Variants in C1QTNF2 observed in about 807,000 individuals in gnomAD.
C1QTNF2 encodes the protein complement C1q tumor necrosis factor-related protein 2.
In C1QTNF2, 15 loss-of-function variants were observed where a neutral mutation model predicts 17.4. That is an observed-to-expected ratio of 0.86 (90% CI 0.58 to 1.33). The LOEUF (loss-of-function observed/expected upper bound fraction) is 1.33. C1QTNF2 is among the 40% of genes most tolerant of loss of function. The pLI is 0.00. For missense variants in C1QTNF2, 381 were observed against 392.3 expected (o/e 0.97, Z 0.24); for synonymous variants, 154 against 163.3 (o/e 0.94, Z 0.44).
chr5:160,362,251 C>G (rs1379332710), intron 1 of C1QTNF2, among the ~76,000 whole-genome samples: 2 of 152,154 alleles, frequency 1.3e-5, no homozygotes, highest in Admixed American at 6.5e-5. Flanking sequence ...TAGGTTTCAC[C>G]TAGGACCTCT....
intron 1 of C1QTNF2, among the ~76,000 whole-genome samples, chr5:160,368,746 G>A (rs936618104): frequency 2.2e-4 from 33 of 152,114 alleles, no homozygotes; most frequent in African/African-American, 8.0e-4. Context: ...GAGACAGCAG[G>A]AGAGACTGTC....
intron 1 of C1QTNF2, among the ~76,000 whole-genome samples, chr5:160,369,067 A>G (rs1764300477): frequency 6.6e-6 from 1 of 152,156 alleles, no homozygotes; most frequent in African/African-American, 2.4e-5. Context: ...GTTTAAAAAA[A>G]AAAAAAACAG....
chr5:160,369,150 G>A (rs1338315068), intron 1 of C1QTNF2, among the ~76,000 whole-genome samples: 1 of 152,014 alleles, frequency 6.6e-6, no homozygotes, highest in Non-Finnish European at 1.5e-5. Context: ...TCTTGTTAAG[G>A]GGTTACCTTT....
Position 160,349,082 on chromosome 5 carries a change from C to A in C1QTNF2, c.*86G>T, listed in dbSNP as rs1022214771. 9.3e-6 allele frequency: 14 copies of A among 1,501,236 alleles called. 1 individual carries two copies. In the Admixed American group the frequency reaches 2.0e-4, roughly 21 times the overall value. The allele number at this position is 1,501,236 out of a possible 1,614,324, so 93.0% of individuals were successfully genotyped here. ...GGCTAGAACCGCTCACTCGACCCCC[C>A]ACCCCCAGCCTACAGTTGTGGGGTC... On this transcript the variant is annotated 3_prime_UTR_variant, in exon 3 of 3. Coordinates refer to ENST00000652664, the MANE Select transcript of C1QTNF2 (RefSeq NM_031908.6). The surrounding 1 kb of genome is among the most constrained non-coding windows in gnomAD (Gnocchi z 4.3).
intron 1 of C1QTNF2, among the ~76,000 whole-genome samples, chr5:160,364,137 A>C (rs1270377177): frequency 1.3e-5 from 2 of 152,256 alleles, no homozygotes; most frequent in Admixed American, 6.5e-5. Context: ...TATTAATGAG[A>C]CATTTTACAT....
In C1QTNF2 at chr5:160,349,635, T is replaced by G; in HGVS notation, c.391A>C (p.Lys131Gln). ...CCTGGGAGGCCTGGCTCCCCCTTCTTGCCCTTGGGCCCCTTCTTGCCTGGT... is the reference window on the plus strand; with the variant it reads ...CCTGGGAGGCCTGGCTCCCCCTTCTGGCCCTTGGGCCCCTTCTTGCCTGGT... ...GTPGKKGPKGKKGEPGLPGPC... is the reference protein window; with the variant it reads ...GTPGKKGPKGQKGEPGLPGPC... Residue 131 changes from lysine (K) to glutamine (Q), a missense_variant, in exon 3 of 3, where the codon AAG becomes CAG. Transcript: ENST00000652664. This position sits in a 1 kb window ranked among gnomAD's most constrained non-coding sequence, Gnocchi z 4.3. The G allele has an allele frequency of 6.2e-7, 1 of 1,613,586 alleles. No individual in the cohort carries two copies.
At chr5:160,368,850 T>C (rs1764294881) in intron 1 of C1QTNF2, among the ~76,000 whole-genome samples, 1 of 152,160 alleles carries the variant, frequency 6.6e-6, no homozygotes, top group South Asian at 2.1e-4. Flanking sequence ...TTGGAGAACT[T>C]GCTGAACATT....
intron 1 of C1QTNF2, among the ~76,000 whole-genome samples, chr5:160,369,534 A>G (rs988389982): frequency 6.6e-5 from 10 of 152,226 alleles, no homozygotes; most frequent in Middle Eastern, 6.3e-3. Context: ...GTGAGAGGAC[A>G]GATTTTTAAC....
intron 2 of C1QTNF2, 56 bp downstream of exon 2, chr5:160,354,712 C>T (rs982574637): frequency 3.1e-5 from 50 of 1,605,900 alleles, no homozygotes; most frequent in Non-Finnish European, 3.9e-5. Context: ...ATGCCCCCCA[C>T]ATGCCGGATG....
At chr5:160,352,715 T>C (rs556530109) in intron 2 of C1QTNF2, among the ~76,000 whole-genome samples, 1 of 152,236 alleles carries the variant, frequency 6.6e-6, no homozygotes, top group Non-Finnish European at 1.5e-5. Context: ...TTGGATATCA[T>C]GATACCAGTG....
In C1QTNF2 at chr5:160,349,040, A is replaced by G. The variant is rs9216; in HGVS notation, c.*128T>C. On this transcript the variant is annotated 3_prime_UTR_variant, in exon 3 of 3. Coordinates refer to ENST00000652664, the MANE Select transcript of C1QTNF2 (RefSeq NM_031908.6). This position sits in a 1 kb window ranked among gnomAD's most constrained non-coding sequence, Gnocchi z 4.3. ...TTTAATGAAGGGGAAAAAAAGAGGC[A>G]GAGGAGGTGAGCCTGAGGCTAGAAC... 0.53 allele frequency: 589,741 copies of G among 1,112,158 alleles called. 159,978 individuals carry two copies. The highest frequency in any genetic ancestry group is 0.56 in the Non-Finnish European group (438,969 of 783,948). The allele number at this position is 1,112,158 out of a possible 1,614,324, so 68.9% of individuals were successfully genotyped here.
intron 2 of C1QTNF2, among the ~76,000 whole-genome samples, chr5:160,352,738 G>A (rs542096574): frequency 6.6e-6 from 1 of 152,344 alleles, no homozygotes; most frequent in South Asian, 2.1e-4. Context: ...CAGCACGCTG[G>A]AAGACCCACC....
rs527316462 is a variant in C1QTNF2 at position 160,349,841 on chromosome 5, G to A, written c.245-60C>T. 2.9e-5 allele frequency: 43 copies of A among 1,488,142 alleles called. No individual in the cohort carries two copies. The highest frequency in any genetic ancestry group is 1.3e-4 in the African/African-American group (9 of 71,482). 92.2% of individuals were successfully genotyped at this position (1,488,142 alleles called of 1,614,324 possible). A position where few individuals can be genotyped will look rare whatever the true frequency, so the allele number is the denominator to read the frequency against. The stretch of plus-strand genomic sequence containing the variant: ...CTCACAGACCTAGGCAGAGGGGTGC[G>A]GTGCGGCTTGGTCTTCCAATCTTGG... On this transcript the variant is annotated intron_variant, in intron 2 of 2. Coordinates refer to ENST00000652664, the MANE Select transcript of C1QTNF2 (RefSeq NM_031908.6). The surrounding 1 kb of genome is among the most constrained non-coding windows in gnomAD (Gnocchi z 4.3).
chr5:160,365,147 A>T (rs1361817606), intron 1 of C1QTNF2, among the ~76,000 whole-genome samples: 2 of 152,182 alleles, frequency 1.3e-5, no homozygotes, highest in Non-Finnish European at 2.9e-5. Flanking sequence ...TTCCTTTGTA[A>T]TAGGCACCTA....
chr5:160,363,728 C>T (rs987903154), intron 1 of C1QTNF2, among the ~76,000 whole-genome samples: 4 of 152,216 alleles, frequency 2.6e-5, no homozygotes, highest in Admixed American at 2.6e-4. Flanking sequence ...GCCTCCTCTG[C>T]ACAATAAGGG....
chr5:160,360,469 C>T (rs141725856), intron 1 of C1QTNF2, among the ~76,000 whole-genome samples: 2 of 152,272 alleles, frequency 1.3e-5, no homozygotes, highest in African/African-American at 4.8e-5. Flanking sequence ...CGAATCAGAT[C>T]AAATCCCTCC....
chr5:160,363,732 A>T (rs1764196450), intron 1 of C1QTNF2, among the ~76,000 whole-genome samples: 1 of 152,214 alleles, frequency 6.6e-6, no homozygotes, highest in South Asian at 2.1e-4. Context: ...CCTCTGCACA[A>T]TAAGGGCAAG....
chr5:160,353,972 T>G (rs1763977902), intron 2 of C1QTNF2, among the ~76,000 whole-genome samples: 1 of 151,582 alleles, frequency 6.6e-6, no homozygotes, highest in South Asian at 2.1e-4. Context: ...CCTGGCTAAT[T>G]TTTTGTATTT....
At position 160,350,944 on chromosome 5, in the gene C1QTNF2, G is replaced by C. The variant is rs1446571227; in HGVS notation, c.245-1163C>G. ...TTTTTGTATATTTAGTAGAGATGGG[G>C]TTTCACCGTGTTAGCCAGGATGGTC... On this transcript the variant is annotated intron_variant, in intron 2 of 2. Transcript: ENST00000652664. Among the ~76,000 whole-genome samples, 4 of 152,196 alleles carry C rather than the reference G, an allele frequency of 2.6e-5. No individual in the cohort carries two copies. The East Asian group carries it at 5.8e-4, about 22-fold the overall frequency.
Sources: allele counts gnomAD v4.1 joint callset (sites outside exome capture counted in the v4.1 genomes callset), GRCh38; gene constraint gnomAD v4.1.1; non-coding constraint Gnocchi (gnomAD v3.1); transcripts MANE v1.5; gene names NCBI Gene and HGNC (gene_info 2026-07-23, HGNC 2026-07-21).